Variants in RGS9 observed in about 807,000 individuals in gnomAD.
RGS9 encodes the protein regulator of G protein signaling 9.
Under a neutral mutation model 102.0 loss-of-function variants are expected in RGS9, and 78 were observed. The observed-to-expected ratio is 0.76, with a 90% CI of 0.64 to 0.92. The LOEUF is 0.92. RGS9 is among the 40% of genes least tolerant of loss of function. The pLI is 0.00. For synonymous variants in RGS9, 353 were observed against 318.6 expected (o/e 1.11, Z -1.15); for missense variants, 833 against 866.1 (o/e 0.96, Z 0.48).
chr17:65,160,301 C>G lies in RGS9; in HGVS notation c.274C>G (p.Leu92Val), dbSNP rs369215628. Residue 92 changes from leucine (L) to valine (V), a missense_variant, in exon 4 of 19, where the codon CTC becomes GTC. Leu to Val is a conservative substitution (Grantham distance 32). Transcript: ENST00000262406. ...YIYPLQDPKN[L>V]ILKPDGSLYR... ...TTACCCCCTGCAAGACCCCAAGAAT[C>G]TCATTCTCAAGCCTGATGGCAGCCT... The G allele has an allele frequency of 5.0e-5, 81 of 1,614,088 alleles. No individual in the cohort carries two copies. Among genetic ancestry groups the G allele is most frequent in the Non-Finnish European group, 6.3e-5 (74 of 1,180,022 alleles).
chr17:65,168,325 T>G, intron 8 of RGS9, 44 bp downstream of exon 8: 2 of 1,355,140 alleles, frequency 1.5e-6, no homozygotes, highest in Non-Finnish European at 2.1e-6. Context: ...TTCCTGTGCC[T>G]CCCACCTCCA....
intron 8 of RGS9, among the ~76,000 whole-genome samples, chr17:65,177,192 G>T (rs191626966): frequency 7.4e-6 from 1 of 134,766 alleles, no homozygotes; most frequent in East Asian, 2.3e-4. Context: ...CCATCCATCC[G>T]TTTATTCACC....
chr17:65,176,473 G>T (rs1401127433), intron 8 of RGS9, among the ~76,000 whole-genome samples: 2 of 152,126 alleles, frequency 1.3e-5, no homozygotes, highest in Non-Finnish European at 2.9e-5. Context: ...CTGCACAGCT[G>T]GGAAGTGGCA....
rs1567898068 is a variant in RGS9, at chr17:65,225,494, C to T, written c.1892+8C>T. On this transcript the variant is annotated splice_region_variant and intron_variant, in intron 18 of 18. Coordinates refer to ENST00000262406, the MANE Select transcript of RGS9 (RefSeq NM_003835.4). Reference sequence around the variant, plus strand: ...ATCCAAGAGAGTAGCAAAGTAAGAACCCGAAGGGGACGTGCCGTATGCATG... The same window carrying T: ...ATCCAAGAGAGTAGCAAAGTAAGAATCCGAAGGGGACGTGCCGTATGCATG... 1.9e-6 allele frequency: 3 copies of T among 1,600,544 alleles called. No individual in the cohort carries two copies.
At chr17:65,184,565 G>A (rs1912029764) in intron 9 of RGS9, among the ~76,000 whole-genome samples, 1 of 152,068 alleles carries the variant, frequency 6.6e-6, no homozygotes, top group African/African-American at 2.4e-5. Flanking sequence ...GAGGCTCTGA[G>A]ATGCTGAGCA....
intron 17 of RGS9, among the ~76,000 whole-genome samples, chr17:65,213,849 T>G (rs1021284189): frequency 6.6e-6 from 1 of 152,216 alleles, no homozygotes; most frequent in Non-Finnish European, 1.5e-5. Flanking sequence ...CATTCTTTAT[T>G]AAATGAATGA....
rs1036781333 is a variant in RGS9, at chr17:65,189,314, A to T, written c.683A>T (p.Glu228Val). 6.2e-7 allele frequency: 1 copy of T among 1,609,368 alleles called. No homozygotes were observed. Among genetic ancestry groups the T allele is most frequent in the Non-Finnish European group, 8.5e-7 (1 of 1,175,796 alleles). ...QKQTVVAVKK[E>V]IMYYQQALMR... is the part of the protein sequence containing the mutation. ...CAAACAGTCGTTGCTGTCAAAAAAG[A>T]GGTAATTAGTCTTACACTTCCAGTG... The change falls in exon 10 of 19, where the codon GAG becomes GTG. Residue 228 changes from glutamate (E) to valine (V), a missense_variant and splice_region_variant. Physicochemically the swap from Glu to Val is moderately radical, Grantham distance 121 (BLOSUM62 -2). Around this residue, in one of 3 missense-constraint regions of RGS9, gnomAD observed 328 missense variants for 340.6 expected, o/e 0.96. Transcript: ENST00000262406.
chr17:65,225,093 G>A lies in RGS9; in HGVS notation c.1499G>A (p.Cys500Tyr). 1 of 1,613,752 alleles carries A rather than the reference G, an allele frequency of 6.2e-7. No individual in the cohort carries two copies. The highest frequency in any genetic ancestry group is 1.7e-5 in the Admixed American group (1 of 60,012). Reference protein sequence around the residue: ...PSPSSPFSSSCRSPRKPFASP... With the variant: ...PSPSSPFSSSYRSPRKPFASP... Reference sequence around the variant, plus strand: ...CCTTCTAGCCCCTTCTCCTCCTCCTGCCGCTCCCCCAGGAAGCCTTTCGCC... The same window carrying A: ...CCTTCTAGCCCCTTCTCCTCCTCCTACCGCTCCCCCAGGAAGCCTTTCGCC... The change falls in exon 18 of 19, where the codon TGC becomes TAC. Residue 500 changes from cysteine to tyrosine, a missense_variant. Cys to Tyr is a radical substitution (Grantham distance 194, BLOSUM62 -2). Transcript: ENST00000262406.
chr17:65,197,672 C>CTT (rs994682411), intron 13 of RGS9, among the ~76,000 whole-genome samples: 1 of 147,276 alleles, frequency 6.8e-6, no homozygotes, highest in African/African-American at 2.5e-5. Flanking sequence ...TTGTTTCTTT[C>CTT]TTTTTTTTTT....
intron 13 of RGS9, among the ~76,000 whole-genome samples, chr17:65,200,743 C>G (rs1486289527): frequency 6.6e-6 from 1 of 152,060 alleles, no homozygotes; most frequent in Admixed American, 6.6e-5. Context: ...CACGAGACCA[C>G]TTATAGGTGG....
intron 7 of RGS9, among the ~76,000 whole-genome samples, chr17:65,166,480 A>T (rs1020617229): frequency 6.6e-6 from 1 of 152,242 alleles, no homozygotes; most frequent in African/African-American, 2.4e-5. Flanking sequence ...TGTTTGGTTC[A>T]CCAGTAGACT....
At chr17:65,153,807 C>T (rs1164342892) in intron 2 of RGS9, among the ~76,000 whole-genome samples, 2 of 151,758 alleles carry the variant, frequency 1.3e-5, no homozygotes, top group Non-Finnish European at 2.9e-5. Flanking sequence ...GGAGAATGGC[C>T]TGAACCTGGG....
At chr17:65,182,237 GA>G (rs1911912799) in intron 9 of RGS9, among the ~76,000 whole-genome samples, 1 of 152,244 alleles carries the variant, frequency 6.6e-6, no homozygotes, top group East Asian at 1.9e-4. Flanking sequence ...GCCAATAGGG[GA>G]CAAACTTCTT....
intron 15 of RGS9, among the ~76,000 whole-genome samples, chr17:65,207,281 C>T (rs1913098040): frequency 6.6e-6 from 1 of 152,184 alleles, no homozygotes; most frequent in Admixed American, 6.5e-5. Context: ...GTGCTCTTGT[C>T]TCATGCTGGC....
At chr17:65,177,621 C>T in intron 8 of RGS9, 111 bp from the exon 9 acceptor site, 2 of 1,096,392 alleles carry the variant, frequency 1.8e-6, no homozygotes, top group South Asian at 2.5e-5. Context: ...GGCTAGGCCA[C>T]AAGCTCTTCT....
rs777843379 is a variant in RGS9 at position 65,137,506 on chromosome 17, T to C, written c.-35T>C. On this transcript the variant is annotated 5_prime_UTR_variant, in exon 1 of 19. Transcript: ENST00000262406. ...GGGGGCTTCTCCTCTTGTCTCCCAC[T>C]GGTGCTCTGGCTGTGAATCCATCCA... 1 of 1,607,366 alleles carries C rather than the reference T, an allele frequency of 6.2e-7. No individual in the cohort carries two copies. Among genetic ancestry groups the C allele is most frequent in the South Asian group, 1.1e-5 (1 of 90,940 alleles).
intron 13 of RGS9, among the ~76,000 whole-genome samples, chr17:65,199,870 A>G (rs570012117): frequency 6.6e-6 from 1 of 152,176 alleles, no homozygotes; most frequent in South Asian, 2.1e-4. Context: ...CCTTGTTTGT[A>G]TGTACCACAT....
rs367701922 is a variant in RGS9 at position 65,163,552 on chromosome 17, G to T, written c.500+463G>T. Among the ~76,000 whole-genome samples the T allele has an allele frequency of 5.9e-5, 9 of 152,072 alleles. 1 individual carries two copies. The highest frequency in any genetic ancestry group is 4.1e-4 in the South Asian group (2 of 4,824). On this transcript the variant is annotated intron_variant, in intron 7 of 18. Coordinates refer to ENST00000262406, the MANE Select transcript of RGS9 (RefSeq NM_003835.4). Reference sequence around the variant, plus strand: ...ATTTATGTGCCTAACACTGGGCTGCGCAGGGGGAATCAAAAGACACAGTCT... The same window carrying T: ...ATTTATGTGCCTAACACTGGGCTGCTCAGGGGGAATCAAAAGACACAGTCT...
At chr17:65,161,226 C>G (rs148052182) in intron 6 of RGS9, among the ~76,000 whole-genome samples, 1 of 152,316 alleles carries the variant, frequency 6.6e-6, no homozygotes, top group Admixed American at 6.5e-5. Context: ...ATGGACAACC[C>G]TTGGTTAACA....
Sources: allele counts gnomAD v4.1 joint callset (sites outside exome capture counted in the v4.1 genomes callset), GRCh38; gene constraint gnomAD v4.1.1; regional missense constraint gnomAD v4.1.1; transcripts MANE v1.5; gene names NCBI Gene and HGNC (gene_info 2026-07-23, HGNC 2026-07-21).